KLHL5: variants seen among roughly 807,000 people sequenced by gnomAD.
KLHL5 encodes kelch like family member 5.
KLHL5 carries 48 observed loss-of-function variants against 77.7 expected under a neutral mutation model. That is an observed-to-expected ratio of 0.62 (90% CI 0.49 to 0.79). KLHL5 has a LOEUF of 0.79. KLHL5 is among the 30% of genes least tolerant of loss of function. KLHL5 has a pLI of 0.00. For missense variants in KLHL5, 723 were observed against 859.7 expected (o/e 0.84, Z 1.99); for synonymous variants, 260 against 297.0 (o/e 0.88, Z 1.28).
At chr4:39,088,145 C>T (rs1202770089) in intron 5 of KLHL5, among the ~76,000 whole-genome samples, 2 of 152,142 alleles carry the variant, frequency 1.3e-5, no homozygotes, top group Non-Finnish European at 2.9e-5. Context: ...AAATCCGATT[C>T]GACTTTGAGA....
At chr4:39,079,541 A>T (rs1455488725) in intron 2 of KLHL5, among the ~76,000 whole-genome samples, 1 of 152,098 alleles carries the variant, frequency 6.6e-6, no homozygotes, top group Non-Finnish European at 1.5e-5. Flanking sequence ...GCATGACCAA[A>T]TCCTAAACCT....
chr4:39,051,403 CTG>C (rs1716634036), intron 1 of KLHL5, among the ~76,000 whole-genome samples: 1 of 150,872 alleles, frequency 6.6e-6, no homozygotes, highest in African/African-American at 2.4e-5. Context: ...TGAGTAAAAG[CTG>C]TGTATGAGAT....
intron 5 of KLHL5, among the ~76,000 whole-genome samples, chr4:39,091,932 G>T (rs1720619714): frequency 8.1e-6 from 1 of 124,008 alleles, no homozygotes; most frequent in Non-Finnish European, 1.6e-5. Flanking sequence ...CAATCCTCCC[G>T]CCTAAGCCTC....
intron 5 of KLHL5, chr4:39,093,353 T>G: frequency 4.4e-6 from 2 of 453,960 alleles, no homozygotes; most frequent in Non-Finnish European, 4.4e-6. Flanking sequence ...GGAATGAGGA[T>G]CAACAGTAAA....
At position 39,096,608 on chromosome 4, in the gene KLHL5, C is replaced by T. The variant is rs955227735; in HGVS notation, c.1114-84C>T. On this transcript the variant is annotated intron_variant, in intron 5 of 10. Transcript: ENST00000504108. Reference sequence around the variant, plus strand: ...TGAATTTTTTAAAAATATGTAAAATCCATTTGAGAACTATGTCATTTTTTT... The same window carrying T: ...TGAATTTTTTAAAAATATGTAAAATTCATTTGAGAACTATGTCATTTTTTT... 9 of 900,852 alleles carry T rather than the reference C, an allele frequency of 1.0e-5. No homozygotes were observed. The African/African-American group carries it at 1.4e-4, about 14-fold the overall frequency. 55.8% of individuals were successfully genotyped at this position (900,852 alleles called of 1,614,324 possible). A position where few individuals can be genotyped will look rare whatever the true frequency, so the allele number is the denominator to read the frequency against.
chr4:39,049,865 A>G (rs1716501371), intron 1 of KLHL5, among the ~76,000 whole-genome samples: 1 of 152,046 alleles, frequency 6.6e-6, no homozygotes, highest in Non-Finnish European at 1.5e-5. Flanking sequence ...TGAGGTCAGG[A>G]GTTCGAGACC....
intron 1 of KLHL5, among the ~76,000 whole-genome samples, chr4:39,068,359 C>T (rs749370833): frequency 1.3e-4 from 20 of 152,062 alleles, no homozygotes; most frequent in Non-Finnish European, 2.5e-4. Flanking sequence ...TGTCTCCCCT[C>T]TCACATATAT....
intron 5 of KLHL5, chr4:39,093,407 C>T (rs1485739331): frequency 2.2e-6 from 1 of 455,764 alleles, no homozygotes; most frequent in African/African-American, 2.0e-5. Context: ...TGTTTCAAAA[C>T]TGTTTTATGG....
chr4:39,096,057 A>G (rs1410316412), intron 5 of KLHL5, among the ~76,000 whole-genome samples: 1 of 151,968 alleles, frequency 6.6e-6, no homozygotes, highest in African/African-American at 2.4e-5. Flanking sequence ...TGTTTTATTT[A>G]ATTTCCAATG....
At chr4:39,098,571 C>CT (rs895919109) in intron 6 of KLHL5, among the ~76,000 whole-genome samples, 10 of 146,936 alleles carry the variant, frequency 6.8e-5, no homozygotes, top group South Asian at 2.2e-4. Flanking sequence ...CGGGCCACAA[C>CT]TTTTTTTTTT....
chr4:39,113,484 C>T (rs1174807574), intron 9 of KLHL5, among the ~76,000 whole-genome samples: 2 of 152,022 alleles, frequency 1.3e-5, no homozygotes, highest in Admixed American at 1.3e-4. Flanking sequence ...AGAAGAGGAG[C>T]TTGATGAATT....
Position 39,124,802 on chromosome 4 carries a change from C to CAAAAAAAAAAAGAAAAA in KLHL5, c.*3747_*3748insGAAAAAAAAAAAAAAAA, listed in dbSNP as rs1723426085. ...GCACCAAAAGCACAAGCAACAACAGCAAAAAAAAAAAAAAAAAAAAAAAAT... is the reference window on the plus strand; with the variant it reads ...GCACCAAAAGCACAAGCAACAACAGCAAAAAAAAAAAGAAAAAAAAAAAAAAAAAAAAAAAAAAAAAT... On this transcript the variant is annotated 3_prime_UTR_variant, in exon 11 of 11. Coordinates refer to ENST00000504108, the MANE Select transcript of KLHL5 (RefSeq NM_015990.5). Among the ~76,000 whole-genome samples the CAAAAAAAAAAAGAAAAA allele has an allele frequency of 2.3e-5, 1 of 44,124 alleles. No homozygotes were observed. The allele number at this position is 44,124 out of a possible 152,430, so 28.9% of individuals were successfully genotyped here.
chr4:39,101,022 A>T (rs1217473362), intron 6 of KLHL5, among the ~76,000 whole-genome samples: 1 of 151,458 alleles, frequency 6.6e-6, no homozygotes, highest in Non-Finnish European at 1.5e-5. Context: ...ATTTGTGCTT[A>T]CTTTTATAAA....
At chr4:39,130,968 A>G (rs1723777717), downstream of KLHL5, among the ~76,000 whole-genome samples, 1 of 151,156 alleles carries the variant, frequency 6.6e-6, no homozygotes, top group Admixed American at 6.6e-5. Flanking sequence ...TCAGCCTCCC[A>G]AGTACCTGGG....
At chr4:39,091,150 G>A (rs1400714880) in intron 5 of KLHL5, among the ~76,000 whole-genome samples, 2 of 151,560 alleles carry the variant, frequency 1.3e-5, no homozygotes, top group African/African-American at 4.9e-5. Context: ...CACTACGCCT[G>A]GCTAATTTTT....
intron 8 of KLHL5, among the ~76,000 whole-genome samples, chr4:39,108,633 T>G (rs1265105920): frequency 6.6e-6 from 1 of 152,198 alleles, no homozygotes; most frequent in Admixed American, 6.5e-5. Flanking sequence ...TAGATGTTTT[T>G]TATCTCCATG....
intron 1 of KLHL5, among the ~76,000 whole-genome samples, chr4:39,065,168 T>A (rs979373027): frequency 6.6e-6 from 1 of 152,140 alleles, no homozygotes; most frequent in Admixed American, 6.5e-5. Context: ...TTTTTCTAGA[T>A]TAAATAGATC....
At chr4:39,046,449 T>A (rs1231093164) in intron 1 of KLHL5, among the ~76,000 whole-genome samples, 1 of 152,128 alleles carries the variant, frequency 6.6e-6, no homozygotes, top group Non-Finnish European at 1.5e-5. Flanking sequence ...AGGAACAACA[T>A]AAGTTTCAGC....
chr4:39,140,756 C>A, the KLHL5 span, among the ~76,000 whole-genome samples: 1 of 152,182 alleles, frequency 6.6e-6, no homozygotes, highest in South Asian at 2.1e-4. Flanking sequence ...AATGAAGGTT[C>A]TCTGCACATT....
Sources: allele counts gnomAD v4.1 joint callset (sites outside exome capture counted in the v4.1 genomes callset), GRCh38; gene constraint gnomAD v4.1.1; transcripts MANE v1.5; gene names NCBI Gene and HGNC (gene_info 2026-07-23, HGNC 2026-07-21).